Variants in TRPC7 observed in about 807,000 individuals in gnomAD.
TRPC7 encodes the protein transient receptor potential cation channel subfamily C member 7.
TRPC7 carries 42 observed loss-of-function variants against 90.1 expected under a neutral mutation model. The observed-to-expected ratio is 0.47, with a 90% CI of 0.36 to 0.60. The LOEUF (loss-of-function observed/expected upper bound fraction) is 0.60. Among genes scored for constraint, TRPC7 ranks in the 20% least tolerant of loss-of-function variants. The pLI, the probability that TRPC7 is intolerant of heterozygous loss-of-function variation, is 0.00. For synonymous variants in TRPC7, 451 were observed against 436.3 expected (o/e 1.03, Z -0.42); for missense variants, 955 against 1,112.3 (o/e 0.86, Z 2.01).
rs767031610 is a variant in TRPC7, at chr5:136,287,687, C to CAAAAAAAA, written c.964-12858_964-12851dup. ...TAGTGTCAGGGACAGAGTGGATGCT[C>CAAAAAAAA]AAAAAAAAAAAAAAAAAAAAAAAAA... is the stretch of plus-strand genomic sequence containing the variant. On this transcript the variant is annotated intron_variant, in intron 3 of 11. Coordinates refer to ENST00000513104, the MANE Select transcript of TRPC7 (RefSeq NM_020389.3). Among the ~76,000 whole-genome samples, 30 of 59,512 alleles carry CAAAAAAAA rather than the reference C, an allele frequency of 5.0e-4. 4 individuals are homozygous for CAAAAAAAA. The highest frequency in any genetic ancestry group is 8.5e-4 in the South Asian group (1 of 1,170). 39.0% of individuals were successfully genotyped at this position (59,512 alleles called of 152,430 possible). A position where few individuals can be genotyped will look rare whatever the true frequency, so the allele number is the denominator to read the frequency against.
rs1388801455 is a variant in TRPC7, at chr5:136,251,865, A to G, written c.1363T>C (p.Cys455Arg). Reference protein sequence around the residue: ...KWVLGMIWSECKEIWEEGPRE... With the variant: ...KWVLGMIWSERKEIWEEGPRE... ...GGCCCCTCCTCCCAGATTTCCTTGC[A>G]TTCGGACCAAATCATTCCTGTGGGA... The change falls in exon 6 of 12, where the codon TGC (cysteine) becomes CGC (arginine). Residue 455 changes from cysteine to arginine, a missense_variant. Cys to Arg is a radical substitution (Grantham distance 180). Coordinates refer to ENST00000513104, the MANE Select transcript of TRPC7 (RefSeq NM_020389.3). The G allele has an allele frequency of 1.2e-6, 2 of 1,613,890 alleles. No individual in the cohort carries two copies. Among genetic ancestry groups the G allele is most frequent in the Non-Finnish European group, 1.7e-6 (2 of 1,179,828 alleles).
At chr5:136,266,006 C>T (rs940000353) in intron 5 of TRPC7, among the ~76,000 whole-genome samples, 1 of 152,114 alleles carries the variant, frequency 6.6e-6, no homozygotes, top group Non-Finnish European at 1.5e-5. Context: ...TGTCCCCCGC[C>T]GCCCCAAACA....
At chr5:136,339,397 A>AT (rs1354617977) in intron 2 of TRPC7, among the ~76,000 whole-genome samples, 1 of 152,220 alleles carries the variant, frequency 6.6e-6, no homozygotes, top group Non-Finnish European at 1.5e-5. Context: ...GCATAGTTAA[A>AT]TTCTAACCAG....
At chr5:136,270,640 C>T (rs935601813) in intron 4 of TRPC7, among the ~76,000 whole-genome samples, 2 of 152,144 alleles carry the variant, frequency 1.3e-5, no homozygotes, top group African/African-American at 4.8e-5. Flanking sequence ...GTTGGATCTT[C>T]CCTTCAAAGT....
At position 136,226,033 on chromosome 5, in the gene TRPC7, C is replaced by A; in HGVS notation, c.2262+1G>T. The A allele has an allele frequency of 6.3e-7, 1 of 1,585,982 alleles. No individual in the cohort carries two copies. The highest frequency in any genetic ancestry group is 8.6e-7 in the Non-Finnish European group (1 of 1,164,542). Reference sequence around the variant, plus strand: ...AGCCTCATAAACCACATGCTACCTACCTTGAATTTGGAATTCAGCATGCCC... The same window carrying A: ...AGCCTCATAAACCACATGCTACCTAACTTGAATTTGGAATTCAGCATGCCC... On this transcript the variant is annotated splice_donor_variant, in intron 9 of 11. Coordinates refer to ENST00000513104, the MANE Select transcript of TRPC7 (RefSeq NM_020389.3). LOFTEE classifies it high-confidence loss of function.
intron 1 of TRPC7, among the ~76,000 whole-genome samples, chr5:136,361,146 G>A (rs1180957007): frequency 2.6e-5 from 4 of 152,108 alleles, no homozygotes; most frequent in Non-Finnish European, 5.9e-5. Context: ...TAGGGCCAAT[G>A]ATAAGCAAAA....
intron 8 of TRPC7, among the ~76,000 whole-genome samples, chr5:136,230,995 G>T (rs933424253): frequency 6.6e-6 from 1 of 152,196 alleles, no homozygotes; most frequent in Non-Finnish European, 1.5e-5. Flanking sequence ...GCATACAGTA[G>T]GTACTTAATA....
chr5:136,349,456 A>C (rs1163380701), intron 2 of TRPC7, among the ~76,000 whole-genome samples: 1 of 151,962 alleles, frequency 6.6e-6, no homozygotes, highest in Non-Finnish European at 1.5e-5. Flanking sequence ...AAACAGAGAG[A>C]TCTTCATGGA....
chr5:136,325,876 C>T (rs906220914), intron 2 of TRPC7, among the ~76,000 whole-genome samples: 5 of 152,212 alleles, frequency 3.3e-5, no homozygotes, highest in Admixed American at 1.3e-4. Flanking sequence ...AACCCCATCT[C>T]TCCACCTGAG....
At chr5:136,252,950 T>A (rs543454058) in intron 5 of TRPC7, among the ~76,000 whole-genome samples, 1 of 152,304 alleles carries the variant, frequency 6.6e-6, no homozygotes, top group Middle Eastern at 3.4e-3. Context: ...TTGATGAGTA[T>A]CCTTCTAGAC....
At chr5:136,291,659 A>C (rs1469639783) in intron 3 of TRPC7, among the ~76,000 whole-genome samples, 1 of 152,220 alleles carries the variant, frequency 6.6e-6, no homozygotes, top group Non-Finnish European at 1.5e-5. Flanking sequence ...TGAGTGACCT[A>C]CAAAGAGACT....
intron 9 of TRPC7, among the ~76,000 whole-genome samples, chr5:136,225,818 A>G (rs6885353): frequency 6.6e-6 from 1 of 151,998 alleles, no homozygotes; most frequent in South Asian, 2.1e-4. Context: ...CACCTCTCCA[A>G]GGGGTTGCAA....
intron 5 of TRPC7, 123 bp from the exon 6 acceptor site, chr5:136,252,005 A>G: frequency 1.3e-6 from 1 of 746,090 alleles, no homozygotes; most frequent in South Asian, 1.8e-5. Context: ...GGGACCGTCG[A>G]TAGCCAGAGG....
intron 4 of TRPC7, among the ~76,000 whole-genome samples, chr5:136,267,325 C>T (rs1006408419): frequency 6.6e-6 from 1 of 152,178 alleles, no homozygotes; most frequent in Non-Finnish European, 1.5e-5. Context: ...TGGGACTCTT[C>T]CAGCTCATTG....
intron 10 of TRPC7, among the ~76,000 whole-genome samples, chr5:136,217,725 A>C (rs1159117749): frequency 6.6e-6 from 1 of 152,162 alleles, no homozygotes; most frequent in African/African-American, 2.4e-5. Context: ...TAAAAAATAT[A>C]TCCCTTTCAA....
intron 1 of TRPC7, among the ~76,000 whole-genome samples, chr5:136,359,989 G>C (rs1410295126): frequency 6.6e-6 from 1 of 152,132 alleles, no homozygotes; most frequent in African/African-American, 2.4e-5. Context: ...GCAGCTGTCC[G>C]AGAAGAAGCT....
Position 136,213,249 on chromosome 5 carries a change from G to C in TRPC7, c.*186C>G. The C allele has an allele frequency of 3.2e-6, 2 of 620,112 alleles. No homozygotes were observed. Among genetic ancestry groups the C allele is most frequent in the Non-Finnish European group, 5.6e-6 (2 of 358,000 alleles). The allele number at this position is 620,112 out of a possible 1,614,324, so 38.4% of individuals were successfully genotyped here. A position where few individuals can be genotyped will look rare whatever the true frequency, so the allele number is the denominator to read the frequency against. Reference sequence around the variant, plus strand: ...TCTTACCCAACCACCTAGATTCACAGCAGTTCTGGGTCTAGGCAGGCCAGC... The same window carrying C: ...TCTTACCCAACCACCTAGATTCACACCAGTTCTGGGTCTAGGCAGGCCAGC... On this transcript the variant is annotated 3_prime_UTR_variant, in exon 12 of 12. Coordinates refer to ENST00000513104, the MANE Select transcript of TRPC7 (RefSeq NM_020389.3).
chr5:136,294,191 G>A (rs954792660), intron 3 of TRPC7, among the ~76,000 whole-genome samples: 1 of 152,152 alleles, frequency 6.6e-6, no homozygotes, highest in Non-Finnish European at 1.5e-5. Context: ...AAAAACCCTA[G>A]AAGAAAACCA....
intron 3 of TRPC7, among the ~76,000 whole-genome samples, chr5:136,312,969 A>ATTTTTT (rs1189363075): frequency 1.0e-5 from 1 of 99,936 alleles, no homozygotes; most frequent in African/African-American, 3.6e-5. Flanking sequence ...TAGAGTAGTG[A>ATTTTTT]TTCTTTTTTT....
Sources: allele counts gnomAD v4.1 joint callset (sites outside exome capture counted in the v4.1 genomes callset), GRCh38; gene constraint gnomAD v4.1.1; transcripts MANE v1.5; gene names NCBI Gene and HGNC (gene_info 2026-07-23, HGNC 2026-07-21).